The following HHIP variants were observed in gnomAD, a reference collection of about 807,000 sequenced individuals.
The protein encoded by HHIP is hedgehog-interacting protein.
Under a neutral mutation model 74.0 loss-of-function variants are expected in HHIP, and 12 were observed. That is an observed-to-expected ratio of 0.16 (90% confidence interval 0.10 to 0.26). The LOEUF is 0.26. HHIP is among the 10% of genes least tolerant of loss of function. The probability of loss-of-function intolerance (pLI) is 1.00; values close to 1 mark genes in which losing one functional copy is unlikely to be tolerated. For missense variants in HHIP, 788 were observed against 845.0 expected, an observed-to-expected ratio of 0.93 and a Z score of 0.84; for synonymous variants, 309 against 311.6, an observed-to-expected ratio of 0.99 and a Z score of 0.09.
Position 144,744,112 on chromosome 4 carries a change from T to C in HHIP, c.*6155T>C, listed in dbSNP as rs151137537. The C allele has an allele frequency of 1.3e-5, 2 of 152,232 alleles. No homozygotes were observed. The highest frequency in any genetic ancestry group is 3.9e-4 in the East Asian group (2 of 5,192). 9.4% of individuals were successfully genotyped at this position (152,232 alleles called of 1,614,324 possible). On this transcript the variant is annotated 3_prime_UTR_variant, in exon 13 of 13. Coordinates refer to ENST00000296575, the MANE Select transcript of HHIP (RefSeq NM_022475.3). ...GACATGCGTTTCACCAAGAACCATGTAGTAATAAGATAAATGGTAACTGAG... is the reference window on the plus strand; with the variant it reads ...GACATGCGTTTCACCAAGAACCATGCAGTAATAAGATAAATGGTAACTGAG...
At chr4:144,653,463 G>A (rs1394562865) in intron 2 of HHIP, among the ~76,000 whole-genome samples, 1 of 152,082 alleles carries the variant, frequency 6.6e-6, no homozygotes, top group Non-Finnish European at 1.5e-5. Context: ...AACATGCCTA[G>A]TCACTATTGT....
At chr4:144,668,340 T>C (rs1728934635) in intron 4 of HHIP, among the ~76,000 whole-genome samples, 1 of 149,086 alleles carries the variant, frequency 6.7e-6, no homozygotes, top group Admixed American at 6.7e-5. Context: ...AGCAGATCAG[T>C]AAAATGTGCC....
chr4:144,667,389 A>G (rs538865282), intron 4 of HHIP, among the ~76,000 whole-genome samples: 7 of 152,222 alleles, frequency 4.6e-5, no homozygotes, highest in Non-Finnish European at 8.8e-5. Context: ...ATGTATCTGT[A>G]TAACTTACGG....
In HHIP at chr4:144,676,476, G is replaced by T. The variant is rs539450908; in HGVS notation, c.831+16638G>T. ...TTGTTTTTGTTTGGTCAAAAATTTT[G>T]CATGAAAGTAAATTTATGGTTGTAA... On this transcript the variant is annotated intron_variant, in intron 4 of 12. Coordinates refer to ENST00000296575, the MANE Select transcript of HHIP (RefSeq NM_022475.3). Among the ~76,000 whole-genome samples, 3 of 152,246 alleles carry T rather than the reference G, an allele frequency of 2.0e-5. No homozygotes were observed. The South Asian group carries it at 6.2e-4, about 32-fold the overall frequency.
intron 6 of HHIP, 145 bp from the exon 7 acceptor site, chr4:144,708,023 G>A (rs972150238): frequency 1.8e-5 from 15 of 811,298 alleles, no homozygotes; most frequent in East Asian, 2.7e-5. Flanking sequence ...GATTACAGAC[G>A]TGAGCCACTG....
intron 4 of HHIP, among the ~76,000 whole-genome samples, chr4:144,691,932 TA>T (rs1305399259): frequency 6.6e-6 from 1 of 152,112 alleles, no homozygotes; most frequent in Non-Finnish European, 1.5e-5. Context: ...GGAAAAAGTC[TA>T]AGTGCTCAGG....
At chr4:144,677,175 T>C (rs1488396738) in intron 4 of HHIP, among the ~76,000 whole-genome samples, 1 of 152,178 alleles carries the variant, frequency 6.6e-6, no homozygotes, top group African/African-American at 2.4e-5. Flanking sequence ...TTCTTCCCCT[T>C]GTACAGGATT....
chr4:144,650,427 T>A (rs1728385170), intron 1 of HHIP, among the ~76,000 whole-genome samples: 1 of 152,102 alleles, frequency 6.6e-6, no homozygotes, highest in Non-Finnish European at 1.5e-5. Context: ...AAACAGGAAA[T>A]TAGCTTAAAT....
At chr4:144,659,940 T>A in intron 4 of HHIP, 102 bp downstream of exon 4, 1 of 865,158 alleles carries the variant, frequency 1.2e-6, no homozygotes, top group Non-Finnish European at 1.8e-6. Context: ...AAAGAAAGAA[T>A]CTTGCAGGAG....
intron 9 of HHIP, 145 bp downstream of exon 9, chr4:144,714,493 C>G (rs1578718773): frequency 1.3e-6 from 1 of 753,552 alleles, no homozygotes; most frequent in East Asian, 2.7e-5. Context: ...ACTTTTAGTT[C>G]CATAGATATA....
At position 144,677,309 on chromosome 4, in the gene HHIP, C is replaced by A. The variant is rs566480790; in HGVS notation, c.831+17471C>A. On this transcript the variant is annotated intron_variant, in intron 4 of 12. Coordinates refer to ENST00000296575, the MANE Select transcript of HHIP (RefSeq NM_022475.3). Reference sequence around the variant, plus strand: ...GAAACTCAATTCAGATGGGCTTCATCAAAAACCAAACAATTTTACTTTCCC... The same window carrying A: ...GAAACTCAATTCAGATGGGCTTCATAAAAAACCAAACAATTTTACTTTCCC... 5.3e-5 allele frequency among the ~76,000 whole-genome samples: 8 copies of A among 152,304 alleles called. No homozygotes were observed. In the South Asian group the frequency reaches 1.7e-3, roughly 32 times the overall value.
At position 144,698,863 on chromosome 4, in the gene HHIP, T is replaced by G. The variant is rs539132612; in HGVS notation, c.832-7668T>G. 2.0e-5 allele frequency among the ~76,000 whole-genome samples: 3 copies of G among 152,230 alleles called. No individual in the cohort carries two copies. The East Asian group carries it at 5.8e-4, about 29-fold the overall frequency. ...ACAAGTCAAGTTCAAGAGTAAGAAT[T>G]TTATGAACGAAAAGAAAACTACCAA... On this transcript the variant is annotated intron_variant, in intron 4 of 12. Transcript: ENST00000296575.
chr4:144,682,574 T>C (rs374732402), intron 4 of HHIP, among the ~76,000 whole-genome samples: 21 of 152,384 alleles, frequency 1.4e-4, no homozygotes, highest in Admixed American at 5.9e-4. Flanking sequence ...TGCATTCACT[T>C]CTCATTGATA....
At chr4:144,711,717 T>C (rs888514776) in intron 7 of HHIP, among the ~76,000 whole-genome samples, 2 of 152,230 alleles carry the variant, frequency 1.3e-5, no homozygotes, top group Non-Finnish European at 2.9e-5. Flanking sequence ...ATTTATAACA[T>C]AAGAAATTAT....
In HHIP at chr4:144,646,792, C is replaced by A; in HGVS notation, c.117C>A (p.Cys39Ter). The A allele has an allele frequency of 6.2e-7, 1 of 1,614,202 alleles. No homozygotes were observed. The highest frequency in any genetic ancestry group is 8.5e-7 in the Non-Finnish European group (1 of 1,180,040). ...GGAGCGGAGCAAGGAGGAGAAGGTG[C>A]CTGAATGGGAACCCCCCGAAGCGCC... ...NEGSGARRRR[C>*]LNGNPPKRLK... Residue 39 changes from cysteine (C) to a stop codon, truncating the protein, a stop_gained, in exon 1 of 13, where the codon TGC becomes TGA. Coordinates refer to ENST00000296575, the MANE Select transcript of HHIP (RefSeq NM_022475.3). LOFTEE classifies it high-confidence loss of function.
intron 4 of HHIP, among the ~76,000 whole-genome samples, chr4:144,674,504 C>T (rs1729124121): frequency 6.6e-6 from 1 of 151,952 alleles, no homozygotes; most frequent in Admixed American, 6.6e-5. Context: ...TGAGAATAAA[C>T]TGGACTAGAA....
Position 144,738,283 on chromosome 4 carries a change from T to C in HHIP, c.*326T>C. Reference sequence around the variant, plus strand: ...TTTTTTATGTTACTAGAAGAGATTATTTGACTTCCCAGGAATTTTCTGTCT... The same window carrying C: ...TTTTTTATGTTACTAGAAGAGATTACTTGACTTCCCAGGAATTTTCTGTCT... On this transcript the variant is annotated 3_prime_UTR_variant, in exon 13 of 13. Coordinates refer to ENST00000296575, the MANE Select transcript of HHIP (RefSeq NM_022475.3). 3 of 983,604 alleles carry C rather than the reference T, an allele frequency of 3.1e-6. No individual in the cohort carries two copies. The highest frequency in any genetic ancestry group is 2.4e-6 in the Non-Finnish European group (2 of 826,146). 60.9% of individuals were successfully genotyped at this position (983,604 alleles called of 1,614,324 possible).
intron 11 of HHIP, among the ~76,000 whole-genome samples, chr4:144,725,105 T>C (rs1246354480): frequency 6.6e-6 from 1 of 152,164 alleles, no homozygotes; most frequent in East Asian, 1.9e-4. Context: ...CTTATACTTT[T>C]ATAGTAAATT....
chr4:144,671,080 C>T (rs1451284519), intron 4 of HHIP, among the ~76,000 whole-genome samples: 5 of 152,148 alleles, frequency 3.3e-5, no homozygotes, highest in Admixed American at 6.5e-5. Context: ...CTTACCCTGT[C>T]TGTGATTTTT....
Sources: gnomAD v4.1 joint callset for allele counts (sites outside exome capture counted in the v4.1 genomes callset) on GRCh38, gnomAD v4.1.1 for gene constraint, MANE v1.5 for transcripts, NCBI Gene and HGNC (gene_info 2026-07-23, HGNC 2026-07-21) for gene names.